The following PEAK1 variants were observed in gnomAD, a reference collection of about 807,000 sequenced individuals.
PEAK1 encodes the protein pseudopodium enriched atypical kinase 1.
Under a neutral mutation model 124.7 loss-of-function variants are expected in PEAK1, and 54 were observed. The observed-to-expected ratio is 0.43, with a 90% CI of 0.35 to 0.54. The LOEUF is 0.54. PEAK1 is among the 20% of genes least tolerant of loss of function. The pLI is 0.01. For missense variants in PEAK1, 2,046 were observed against 2,134.5 expected, an observed-to-expected ratio of 0.96 and a Z score of 0.82; for synonymous variants, 719 against 760.0, an observed-to-expected ratio of 0.95 and a Z score of 0.89.
At chr15:77,371,381 A>G (rs889235465) in intron 1 of PEAK1, 2 of 935,786 alleles carry the variant, frequency 2.1e-6, no homozygotes, top group Admixed American at 6.2e-5. Flanking sequence ...ACATTAATTG[A>G]AAGTGTTGTA....
intron 9 of PEAK1, among the ~76,000 whole-genome samples, chr15:77,125,215 C>T (rs1030535258): frequency 6.6e-6 from 1 of 152,072 alleles, no homozygotes; most frequent in Non-Finnish European, 1.5e-5. Context: ...AAGCCATGGT[C>T]CCCGCCATGG....
At chr15:77,229,428 A>C (rs559798145) in intron 6 of PEAK1, among the ~76,000 whole-genome samples, 74 of 152,294 alleles carry the variant, frequency 4.9e-4, no homozygotes, top group African/African-American at 1.7e-3. Context: ...CTATTTACCC[A>C]ATTTCAGAAA....
intron 6 of PEAK1, among the ~76,000 whole-genome samples, chr15:77,192,478 C>T (rs570172766): frequency 3.9e-5 from 6 of 152,234 alleles, no homozygotes; most frequent in South Asian, 2.1e-4. Flanking sequence ...ACAAGGAGAC[C>T]GCAGTCTGAC....
rs558688727 is a variant in PEAK1 at position 77,241,259 on chromosome 15, C to T, written c.-115+11108G>A. On this transcript the variant is annotated intron_variant, in intron 6 of 9. Transcript: ENST00000682557. ...ATCCATATGATCATATCAATTGATA[C>T]GGAAAATCTGACAAAATCCAACAGC... Among the ~76,000 whole-genome samples, 6 of 152,136 alleles carry T rather than the reference C, an allele frequency of 3.9e-5. No homozygotes were observed. In the East Asian group the frequency reaches 9.6e-4, roughly 24 times the overall value.
chr15:77,193,525 C>G (rs2057949585), intron 6 of PEAK1, among the ~76,000 whole-genome samples: 1 of 152,030 alleles, frequency 6.6e-6, no homozygotes, highest in African/African-American at 2.4e-5. Context: ...AAAAAGGTAC[C>G]CAAATGTCCT....
chr15:77,198,783 G>C (rs1319737130), intron 6 of PEAK1, among the ~76,000 whole-genome samples: 1 of 152,156 alleles, frequency 6.6e-6, no homozygotes, highest in Non-Finnish European at 1.5e-5. Flanking sequence ...GCAAAGGATG[G>C]TTTGATAATT....
intron 1 of PEAK1, among the ~76,000 whole-genome samples, chr15:77,392,053 T>G (rs1481977464): frequency 6.6e-6 from 1 of 152,194 alleles, no homozygotes; most frequent in Non-Finnish European, 1.5e-5. Context: ...ATAATTGTAC[T>G]TGACACGTAG....
rs146563426 is a variant in PEAK1 at position 77,183,084 on chromosome 15, T to C, written c.-114-1044A>G. ...GGCCAAATGTAGCTTATTCCTGTTT[T>C]TGTATCCCAAGGTTAAGGATGCTTT... On this transcript the variant is annotated intron_variant, in intron 6 of 9. Transcript: ENST00000682557. Among the ~76,000 whole-genome samples, 734 of 152,352 alleles carry C rather than the reference T, an allele frequency of 4.8e-3. 5 individuals carry two copies. Among genetic ancestry groups the C allele is most frequent in the African/African-American group, 0.017 (705 of 41,578 alleles).
chr15:77,375,947 C>T (rs202025433), intron 1 of PEAK1, among the ~76,000 whole-genome samples: 2 of 151,576 alleles, frequency 1.3e-5, no homozygotes, highest in Non-Finnish European at 2.9e-5. Context: ...TGCAGTGAGC[C>T]GAGATCGCGC....
chr15:77,278,935 C>T (rs780499274), intron 5 of PEAK1, among the ~76,000 whole-genome samples: 4 of 147,910 alleles, frequency 2.7e-5, no homozygotes, highest in Non-Finnish European at 4.4e-5. Flanking sequence ...TGGGTTCAAG[C>T]CATTCTCTAG....
In PEAK1 at chr15:77,118,422, T is replaced by TA. The variant is rs1013521614; in HGVS notation, c.4078-3104dup. 3.6e-3 allele frequency among the ~76,000 whole-genome samples: 540 copies of TA among 148,794 alleles called. 2 individuals carry two copies. Among genetic ancestry groups the TA allele is most frequent in the African/African-American group, 9.6e-3 (392 of 40,642 alleles). On this transcript the variant is annotated intron_variant, in intron 9 of 9. Coordinates refer to ENST00000682557, the MANE Select transcript of PEAK1 (RefSeq NM_001385026.1). ...TTCAAATATTAATAACTCCTTTAGT[T>TA]AAAAAAAAAACCTCAAAATGACCTG...
chr15:77,177,442 T>C (rs939594031), intron 7 of PEAK1, among the ~76,000 whole-genome samples: 3 of 152,302 alleles, frequency 2.0e-5, no homozygotes, highest in South Asian at 4.1e-4. Flanking sequence ...TTTGGAGGTA[T>C]GTAAAAAGCT....
At chr15:77,335,095 T>A in intron 2 of PEAK1, 1 of 985,454 alleles carries the variant, frequency 1.0e-6, no homozygotes, top group Non-Finnish European at 1.2e-6. Context: ...TCTAGATCTA[T>A]AAACAGTGTT....
At chr15:77,347,263 G>T (rs2066924884) in intron 2 of PEAK1, 2 of 984,742 alleles carry the variant, frequency 2.0e-6, no homozygotes, top group Non-Finnish European at 1.2e-6. Flanking sequence ...ATAAAACTAT[G>T]ACCCACGAAC....
chr15:77,128,347 C>T (rs1452115934), intron 9 of PEAK1, among the ~76,000 whole-genome samples: 1 of 152,340 alleles, frequency 6.6e-6, no homozygotes, highest in Non-Finnish European at 1.5e-5. Context: ...ATGTACTGTT[C>T]TTCAAGGAAA....
intron 7 of PEAK1, among the ~76,000 whole-genome samples, chr15:77,164,753 T>A (rs1208811607): frequency 6.6e-6 from 1 of 152,194 alleles, no homozygotes; most frequent in Non-Finnish European, 1.5e-5. Context: ...CAGAAGTAGC[T>A]CCTTAGCATC....
chr15:77,160,581 CAGG>C (rs2055547560), intron 7 of PEAK1, among the ~76,000 whole-genome samples: 1 of 152,046 alleles, frequency 6.6e-6, no homozygotes, highest in South Asian at 2.1e-4. Flanking sequence ...GAGGCTGAGG[CAGG>C]AGAATCTCTT....
chr15:77,302,898 C>T (rs1046777806), intron 2 of PEAK1, among the ~76,000 whole-genome samples: 5 of 152,114 alleles, frequency 3.3e-5, no homozygotes, highest in Admixed American at 3.3e-4. Context: ...CTAAAAAAGT[C>T]CTGGTTTTTC....
intron 2 of PEAK1, among the ~76,000 whole-genome samples, chr15:77,364,391 CT>C (rs552992420): frequency 1.3e-4 from 20 of 152,158 alleles, no homozygotes; most frequent in African/African-American, 4.8e-4. Context: ...CACTATTGCT[CT>C]GTAAATGAGT....
Sources: allele counts gnomAD v4.1 joint callset (sites outside exome capture counted in the v4.1 genomes callset), GRCh38; gene constraint gnomAD v4.1.1; transcripts MANE v1.5; gene names NCBI Gene and HGNC (gene_info 2026-07-23, HGNC 2026-07-21).